MUSK: variants seen among roughly 807,000 people sequenced by gnomAD.
MUSK encodes the protein muscle, skeletal receptor tyrosine-protein kinase.
A neutral mutation model predicts 88.7 loss-of-function variants in MUSK; 55 were observed. The ratio of observed to expected loss-of-function variants is 0.62; its 90% CI spans 0.50 to 0.78. MUSK has a LOEUF of 0.78. Among genes scored for constraint, MUSK ranks in the 30% least tolerant of loss-of-function variants. The probability of loss-of-function intolerance (pLI) is 0.00; values close to 1 mark genes in which losing one functional copy is unlikely to be tolerated. For missense variants in MUSK, 1,015 were observed against 1,074.3 expected, an observed-to-expected ratio of 0.94 and a Z score of 0.77; for synonymous variants, 387 against 391.9, an observed-to-expected ratio of 0.99 and a Z score of 0.15.
At chr9:110,690,220 G>GTATATATAAATATA (rs1554736134) in intron 3 of MUSK, among the ~76,000 whole-genome samples, 33 of 53,134 alleles carry the variant, frequency 6.2e-4, no homozygotes, top group South Asian at 3.0e-3. Flanking sequence ...ATATATTTAA[G>GTATATATAAATATA]TATAAATATA....
intron 7 of MUSK, 55 bp from the exon 8 acceptor site, chr9:110,762,147 C>G: frequency 7.5e-7 from 1 of 1,324,604 alleles, no homozygotes; most frequent in Non-Finnish European, 9.9e-7. Context: ...TACTAACGTT[C>G]TTTCTTTTCT....
intron 5 of MUSK, among the ~76,000 whole-genome samples, chr9:110,712,256 A>G (rs964257050): frequency 2.0e-5 from 3 of 150,836 alleles, no homozygotes; most frequent in Non-Finnish European, 3.0e-5. Flanking sequence ...TGTGTACTTT[A>G]TTTTCTTTTA....
intron 5 of MUSK, among the ~76,000 whole-genome samples, chr9:110,701,918 T>TATTTTATTTC (rs1491096716): frequency 1.5e-5 from 2 of 137,684 alleles, no homozygotes; most frequent in Non-Finnish European, 3.1e-5. Context: ...TATTTTATTT[T>TATTTTATTTC]ATTTTATTTC....
intron 6 of MUSK, among the ~76,000 whole-genome samples, chr9:110,735,920 G>A (rs1043293347): frequency 6.6e-6 from 1 of 151,988 alleles, no homozygotes. Context: ...CTGAGGGGAT[G>A]GTGTTAACCC....
chr9:110,773,253 A>G (rs2767004), intron 9 of MUSK, among the ~76,000 whole-genome samples: 121,702 of 151,986 alleles, frequency 0.8, 48,766 homozygotes, highest in Non-Finnish European at 0.81. Context: ...GGAAGACCAG[A>G]AATAACAAAC....
intron 8 of MUSK, among the ~76,000 whole-genome samples, chr9:110,766,332 T>A (rs2077485284): frequency 6.6e-6 from 1 of 152,158 alleles, no homozygotes; most frequent in African/African-American, 2.4e-5. Flanking sequence ...GCATCCTTGT[T>A]TCTGTCTAAT....
At chr9:110,719,423 C>G (rs114437894) in intron 5 of MUSK, among the ~76,000 whole-genome samples, 142 of 152,014 alleles carry the variant, frequency 9.3e-4, no homozygotes, top group African/African-American at 3.3e-3. Flanking sequence ...ACACCAAAAG[C>G]GAGCAGGAGT....
At chr9:110,779,957 A>C (rs2077725889) in intron 11 of MUSK, among the ~76,000 whole-genome samples, 1 of 152,046 alleles carries the variant, frequency 6.6e-6, no homozygotes, top group African/African-American at 2.4e-5. Context: ...TTAAATTTCT[A>C]GTATTAATAA....
In MUSK at chr9:110,787,768, G is replaced by A; in HGVS notation, c.1857G>A (p.Met619Ile). ...TCAAAGAAGAAGCCTCGGCAGATAT[G>A]CAAGCGGACTTTCAGAGGGAGGCAG... ...KMLKEEASAD[M>I]QADFQREAAL... The change falls in exon 14 of 15, where the codon ATG (methionine) becomes ATA (isoleucine). Residue 619 changes from methionine to isoleucine, a missense_variant. Coordinates refer to ENST00000374448, the MANE Select transcript of MUSK (RefSeq NM_005592.4). The A allele has an allele frequency of 2.5e-6, 4 of 1,613,792 alleles. No individual in the cohort carries two copies. In the South Asian group the frequency reaches 4.4e-5, roughly 18 times the overall value.
At chr9:110,764,227 T>C (rs2077441394) in intron 8 of MUSK, among the ~76,000 whole-genome samples, 1 of 152,226 alleles carries the variant, frequency 6.6e-6, no homozygotes, top group East Asian at 1.9e-4. Flanking sequence ...CAGCTGCTTC[T>C]AGTGTTGCCC....
At chr9:110,680,742 C>G (rs914139801) in intron 1 of MUSK, among the ~76,000 whole-genome samples, 2 of 150,462 alleles carry the variant, frequency 1.3e-5, no homozygotes, top group Non-Finnish European at 3.0e-5. Flanking sequence ...CCTTAATATT[C>G]CAGGGTTTGT....
rs907822928 is a variant in MUSK, at chr9:110,669,729, C to T, written c.79+746C>T. The stretch of plus-strand genomic sequence containing the variant: ...CAGTGTATTATGAAACTGGGACTAG[C>T]GTATTTGAAATCAGAAAGACTGGAA... On this transcript the variant is annotated intron_variant, in intron 1 of 14. Coordinates refer to ENST00000374448, the MANE Select transcript of MUSK (RefSeq NM_005592.4). 7.9e-5 allele frequency among the ~76,000 whole-genome samples: 12 copies of T among 152,012 alleles called. 1 individual carries two copies. Among genetic ancestry groups the T allele is most frequent in the South Asian group, 2.1e-4 (1 of 4,826 alleles).
chr9:110,751,573 T>C (rs1415457644), intron 7 of MUSK, among the ~76,000 whole-genome samples: 10 of 152,146 alleles, frequency 6.6e-5, no homozygotes, highest in Admixed American at 6.5e-4. Flanking sequence ...GTTATCTCTG[T>C]AGGAATAATG....
chr9:110,701,433 C>G (rs1030583935), intron 5 of MUSK, among the ~76,000 whole-genome samples: 16 of 152,036 alleles, frequency 1.1e-4, no homozygotes, highest in Admixed American at 9.8e-4. Context: ...TCTTTAGGTA[C>G]CAAATACACC....
chr9:110,800,059 G>A (rs1010361848), intron 14 of MUSK, among the ~76,000 whole-genome samples: 3 of 152,138 alleles, frequency 2.0e-5, no homozygotes, highest in Non-Finnish European at 2.9e-5. Flanking sequence ...GGACAACAGC[G>A]CTCTGCTGGA....
At chr9:110,775,710 A>G (rs2077657182) in intron 9 of MUSK, 78 bp from the exon 10 acceptor site, 1 of 1,359,160 alleles carries the variant, frequency 7.4e-7, no homozygotes, top group Admixed American at 1.7e-5. Context: ...TCTTGAAAAC[A>G]CAGAATTTAG....
intron 3 of MUSK, among the ~76,000 whole-genome samples, chr9:110,693,035 G>C (rs2076379024): frequency 6.6e-6 from 1 of 152,092 alleles, no homozygotes; most frequent in Non-Finnish European, 1.5e-5. Flanking sequence ...TGAGTAAGTA[G>C]GTGGGGATCT....
At chr9:110,787,412 G>A (rs2077891940) in intron 13 of MUSK, among the ~76,000 whole-genome samples, 1 of 151,674 alleles carries the variant, frequency 6.6e-6, no homozygotes, top group Admixed American at 6.6e-5. Context: ...ATCCTATTGG[G>A]GGTGTATACT....
At chr9:110,719,164 A>AAACAAC (rs374439212) in intron 5 of MUSK, among the ~76,000 whole-genome samples, 2 of 151,922 alleles carry the variant, frequency 1.3e-5, no homozygotes, top group African/African-American at 4.8e-5. Context: ...AACACAATGA[A>AAACAAC]AACAACAACA....
Sources: gnomAD v4.1 joint callset for allele counts (sites outside exome capture counted in the v4.1 genomes callset) on GRCh38, gnomAD v4.1.1 for gene constraint, MANE v1.5 for transcripts, NCBI Gene and HGNC (gene_info 2026-07-23, HGNC 2026-07-21) for gene names.